The following ADAM19 variants were observed in gnomAD, a reference collection of about 807,000 sequenced individuals.
The protein encoded by ADAM19 is disintegrin and metalloproteinase domain-containing protein 19.
In ADAM19, 65 loss-of-function variants were observed where a neutral mutation model predicts 114.7. The ratio of observed to expected loss-of-function variants is 0.57; its 90% CI spans 0.46 to 0.70. ADAM19 has a LOEUF of 0.70. ADAM19 is among the 30% of genes least tolerant of loss of function. The pLI, the probability that ADAM19 is intolerant of heterozygous loss-of-function variation, is 0.00. For synonymous variants in ADAM19, 466 were observed against 460.5 expected (o/e 1.01, Z -0.15); for missense variants, 1,063 against 1,204.7 (o/e 0.88, Z 1.74).
At chr5:157,544,705 T>C (rs937723064) in intron 3 of ADAM19, among the ~76,000 whole-genome samples, 1 of 152,206 alleles carries the variant, frequency 6.6e-6, no homozygotes, top group Non-Finnish European at 1.5e-5. Context: ...TGTGTATTTG[T>C]TGGAATTAGA....
At position 157,562,374 on chromosome 5, in the gene ADAM19, G is replaced by A. The variant is rs143650358; in HGVS notation, c.251+1999C>T. Among the ~76,000 whole-genome samples the A allele has an allele frequency of 4.3e-3, 655 of 152,268 alleles. 4 individuals carry two copies. Among genetic ancestry groups the A allele is most frequent in the African/African-American group, 0.013 (546 of 41,544 alleles). ...TCAATGGGAAACGAGAGCTGCTCTC[G>A]GAAAAGCAGATGCTAGAACCACAGC... On this transcript the variant is annotated intron_variant, in intron 3 of 22. Transcript: ENST00000257527.
intron 13 of ADAM19, among the ~76,000 whole-genome samples, chr5:157,498,665 T>C (rs1755443703): frequency 7.0e-6 from 1 of 142,638 alleles, no homozygotes; most frequent in African/African-American, 2.6e-5. Context: ...TGTGTGTACA[T>C]ATATAATTAC....
chr5:157,550,083 C>T (rs1016479768), intron 3 of ADAM19, among the ~76,000 whole-genome samples: 1 of 152,112 alleles, frequency 6.6e-6, no homozygotes, highest in Non-Finnish European at 1.5e-5. Flanking sequence ...ATAGGACTGA[C>T]GTGGGGTGGG....
Position 157,499,205 on chromosome 5 carries a change from T to G in ADAM19, c.1398+368A>C, listed in dbSNP as rs11466778. Among the ~76,000 whole-genome samples, 741 of 152,228 alleles carry G rather than the reference T, an allele frequency of 4.9e-3. 4 individuals are homozygous for G. Among genetic ancestry groups the G allele is most frequent in the African/African-American group, 0.017 (693 of 41,510 alleles). The stretch of plus-strand genomic sequence containing the variant: ...AGAGAATGAGATAACGTACATAAAA[T>G]TCCCAGCACAGTGCCTGGCATCTAC... On this transcript the variant is annotated intron_variant, in intron 13 of 22. Coordinates refer to ENST00000257527, the MANE Select transcript of ADAM19 (RefSeq NM_033274.5).
At chr5:157,505,595 G>A (rs1376755452) in intron 11 of ADAM19, 74 bp downstream of exon 11, 1 of 1,516,854 alleles carries the variant, frequency 6.6e-7, no homozygotes, top group African/African-American at 1.4e-5. Context: ...GGGCCAGCTG[G>A]GAGGAACCCC....
At position 157,509,314 on chromosome 5, in the gene ADAM19, C is replaced by T. The variant is rs1178207005; in HGVS notation, c.892G>A (p.Ala298Thr). The T allele has an allele frequency of 4.4e-6, 7 of 1,608,050 alleles. No homozygotes were observed. Among genetic ancestry groups the T allele is most frequent in the African/African-American group, 1.3e-5 (1 of 74,644 alleles). ...KLLAQKYHDN[A>T]QLITGMSFHG... ...AAGGCTATTTACGTGATTAATTGGG[C>T]GTTGTCATGGTACTTCTGGGCAAGC... The change falls in exon 9 of 23, where the codon GCC (alanine) becomes ACC (threonine). Residue 298 changes from alanine (A) to threonine (T), a missense_variant. Physicochemically the swap from Ala to Thr is moderately conservative, Grantham distance 58. Coordinates refer to ENST00000257527, the MANE Select transcript of ADAM19 (RefSeq NM_033274.5).
chr5:157,561,924 A>G (rs1757519437), intron 3 of ADAM19, among the ~76,000 whole-genome samples: 1 of 151,172 alleles, frequency 6.6e-6, no homozygotes, highest in Non-Finnish European at 1.5e-5. Flanking sequence ...AGGCACGTAG[A>G]TTAAAAAAAA....
intron 5 of ADAM19, among the ~76,000 whole-genome samples, chr5:157,526,553 T>G (rs1203360473): frequency 3.3e-5 from 5 of 152,062 alleles, no homozygotes; most frequent in Non-Finnish European, 7.4e-5. Context: ...TGTCTTAATC[T>G]GAGACAGGCT....
intron 11 of ADAM19, 45 bp from the exon 12 acceptor site, chr5:157,503,025 A>G: frequency 8.9e-6 from 14 of 1,579,400 alleles, no homozygotes; most frequent in Non-Finnish European, 1.1e-5. Flanking sequence ...TTGAGCATCT[A>G]GCAGTCAGGC....
At chr5:157,562,922 G>A (rs1342345405) in intron 3 of ADAM19, among the ~76,000 whole-genome samples, 1 of 152,178 alleles carries the variant, frequency 6.6e-6, no homozygotes, top group African/African-American at 2.4e-5. Context: ...ACCAGAGGGA[G>A]CTGAAGGGCC....
At chr5:157,514,472 G>A (rs1262989701) in intron 7 of ADAM19, among the ~76,000 whole-genome samples, 3 of 151,918 alleles carry the variant, frequency 2.0e-5, no homozygotes, top group Non-Finnish European at 4.4e-5. Flanking sequence ...GATTACAGGT[G>A]CTCGCCACCA....
intron 10 of ADAM19, 21 bp downstream of exon 10, chr5:157,507,035 C>T: frequency 1.2e-6 from 2 of 1,609,144 alleles, no homozygotes; most frequent in Non-Finnish European, 1.7e-6. Context: ...CTGCAGCGCA[C>T]ACACACGGGC....
chr5:157,481,648 G>A, intron 22 of ADAM19, 143 bp downstream of exon 22: 1 of 1,551,488 alleles, frequency 6.4e-7, no homozygotes, highest in East Asian at 2.4e-5. Context: ...CAAGAAACAT[G>A]AATGTTTTGC....
At chr5:157,541,032 G>A (rs961764002) in intron 3 of ADAM19, among the ~76,000 whole-genome samples, 2 of 152,146 alleles carry the variant, frequency 1.3e-5, no homozygotes, top group African/African-American at 4.8e-5. Context: ...CCAGCCATCT[G>A]TTTGAACAAC....
intron 7 of ADAM19, among the ~76,000 whole-genome samples, chr5:157,518,412 T>C (rs1756158015): frequency 6.6e-6 from 1 of 152,112 alleles, no homozygotes; most frequent in African/African-American, 2.4e-5. Flanking sequence ...GAGACGGAGT[T>C]TCGCTCTTGT....
intron 12 of ADAM19, among the ~76,000 whole-genome samples, chr5:157,502,319 C>T (rs1755591057): frequency 6.6e-6 from 1 of 152,176 alleles, no homozygotes; most frequent in Non-Finnish European, 1.5e-5. Flanking sequence ...ATAAACAGTT[C>T]CTCCTAGCAG....
Position 157,488,325 on chromosome 5 carries a change from C to A in ADAM19, c.2490G>T (p.Ser830=), listed in dbSNP as rs764968777. 1 of 1,614,150 alleles carries A rather than the reference C, an allele frequency of 6.2e-7. No homozygotes were observed. The highest frequency in any genetic ancestry group is 8.5e-7 in the Non-Finnish European group (1 of 1,180,012). Residue 830 remains serine (S), a synonymous_variant, in exon 21 of 23, where the codon TCG becomes TCT. Coordinates refer to ENST00000257527, the MANE Select transcript of ADAM19 (RefSeq NM_033274.5). ...GPGSQIERTE[S]SRRPPPSRPI... ...GCCGGCTTGGAGGAGGCCTCCTGGA[C>A]GACTCCGTCCTCTCTATTTGAGACC...
At chr5:157,537,227 T>C (rs1273358063) in intron 4 of ADAM19, among the ~76,000 whole-genome samples, 3 of 152,206 alleles carry the variant, frequency 2.0e-5, no homozygotes, top group Non-Finnish European at 4.4e-5. Flanking sequence ...CAAATTCCAA[T>C]AGGCATCCCT....
chr5:157,541,968 C>T (rs1380916922), intron 3 of ADAM19, among the ~76,000 whole-genome samples: 1 of 152,202 alleles, frequency 6.6e-6, no homozygotes, highest in Admixed American at 6.5e-5. Flanking sequence ...AGGCGAGCAT[C>T]ACTCTGCTCA....
Sources: allele counts gnomAD v4.1 joint callset (sites outside exome capture counted in the v4.1 genomes callset), GRCh38; gene constraint gnomAD v4.1.1; transcripts MANE v1.5; gene names NCBI Gene and HGNC (gene_info 2026-07-23, HGNC 2026-07-21).